KCNJ6: variants seen among roughly 807,000 people sequenced by gnomAD.
The protein encoded by KCNJ6 is potassium inwardly rectifying channel subfamily J member 6, also known as G protein-activated inward rectifier potassium channel 2.
A neutral mutation model predicts 34.2 loss-of-function variants in KCNJ6; 9 were observed. That is an observed-to-expected ratio of 0.26 (90% CI 0.16 to 0.46). KCNJ6 has a LOEUF of 0.46. KCNJ6 is among the 20% of genes least tolerant of loss of function. The probability of loss-of-function intolerance (pLI) is 1.00; values close to 1 mark genes in which losing one functional copy is unlikely to be tolerated. For missense variants in KCNJ6, 236 were observed against 531.3 expected (o/e 0.44, Z 5.46); for synonymous variants, 196 against 207.1 (o/e 0.95, Z 0.46).
chr21:37,617,263 G>C lies in KCNJ6; in HGVS notation c.*7896C>G, dbSNP rs1266555452. 1 of 149,090 alleles carries C rather than the reference G, an allele frequency of 6.7e-6. No individual in the cohort carries two copies. Among genetic ancestry groups the C allele is most frequent in the Non-Finnish European group, 1.5e-5 (1 of 67,658 alleles). 9.2% of individuals were successfully genotyped at this position (149,090 alleles called of 1,614,324 possible). On this transcript the variant is annotated 3_prime_UTR_variant, in exon 4 of 4. Transcript: ENST00000609713. ...AGACTGAGTCTCGCTCCGTGGCCCA[G>C]GCTGGAGTGCAGTGGCATGATCTCA... is the stretch of plus-strand genomic sequence containing the variant.
chr21:37,814,145 A>G (rs991787931), intron 2 of KCNJ6, among the ~76,000 whole-genome samples: 1 of 152,264 alleles, frequency 6.6e-6, no homozygotes, highest in African/African-American at 2.4e-5. Flanking sequence ...TCCAACAGGC[A>G]TATGAAAAGA....
intron 3 of KCNJ6, among the ~76,000 whole-genome samples, chr21:37,650,042 T>C (rs113963430): frequency 0.13 from 19,084 of 151,922 alleles, 1,724 homozygotes; most frequent in South Asian, 0.25. Context: ...GGATTACAGG[T>C]GTGAACCACC....
chr21:37,878,799 A>G (rs1006385811), intron 1 of KCNJ6, among the ~76,000 whole-genome samples: 1 of 151,948 alleles, frequency 6.6e-6, no homozygotes, highest in Non-Finnish European at 1.5e-5. Flanking sequence ...TGGGAGGGGG[A>G]CAGGGGCATG....
chr21:37,631,880 C>T (rs928356756), intron 3 of KCNJ6, among the ~76,000 whole-genome samples: 2 of 152,170 alleles, frequency 1.3e-5, no homozygotes, highest in Non-Finnish European at 2.9e-5. Context: ...AGCGGTGACA[C>T]AGGTGCCAAA....
At chr21:37,765,731 A>G (rs1263589048) in intron 2 of KCNJ6, among the ~76,000 whole-genome samples, 1 of 152,230 alleles carries the variant, frequency 6.6e-6, no homozygotes, top group Non-Finnish European at 1.5e-5. Context: ...ATGATTCATT[A>G]AAGAAGTTGT....
chr21:37,615,295 C>T lies in KCNJ6; in HGVS notation c.*9864G>A, dbSNP rs1324928455. The T allele has an allele frequency of 7.0e-6, 1 of 143,066 alleles. No homozygotes were observed. The highest frequency in any genetic ancestry group is 1.5e-5 in the Non-Finnish European group (1 of 67,396). 8.9% of individuals were successfully genotyped at this position (143,066 alleles called of 1,614,324 possible). A position where few individuals can be genotyped will look rare whatever the true frequency, so the allele number is the denominator to read the frequency against. On this transcript the variant is annotated 3_prime_UTR_variant, in exon 4 of 4. Coordinates refer to ENST00000609713, the MANE Select transcript of KCNJ6 (RefSeq NM_002240.5). ...TGAGACGGAGTCTCGCTCTGTCGCC[C>T]AGGTCGGACTGCGGACTGCAGTGGC...
chr21:37,857,892 T>C (rs2055573162), intron 1 of KCNJ6, among the ~76,000 whole-genome samples: 1 of 152,102 alleles, frequency 6.6e-6, no homozygotes, highest in Non-Finnish European at 1.5e-5. Context: ...CATATTTATT[T>C]AGAAAAAAGA....
At chr21:37,804,702 T>C (rs2055285262) in intron 2 of KCNJ6, among the ~76,000 whole-genome samples, 1 of 152,194 alleles carries the variant, frequency 6.6e-6, no homozygotes, top group South Asian at 2.1e-4. Context: ...ATTAGCTTGG[T>C]AAGGATAATG....
intron 2 of KCNJ6, among the ~76,000 whole-genome samples, chr21:37,735,417 G>A (rs1036330077): frequency 2.6e-5 from 4 of 152,104 alleles, no homozygotes; most frequent in African/African-American, 4.8e-5. Flanking sequence ...ATTCGAGTGC[G>A]GTGCTGCTCC....
intron 2 of KCNJ6, among the ~76,000 whole-genome samples, chr21:37,797,208 G>A (rs534707700): frequency 6.6e-5 from 10 of 152,100 alleles, no homozygotes; most frequent in African/African-American, 2.4e-4. Context: ...GTGCCACCAT[G>A]CCTGTCTAGT....
intron 1 of KCNJ6, among the ~76,000 whole-genome samples, chr21:37,896,641 C>T (rs56236575): frequency 0.075 from 11,422 of 152,184 alleles, 453 homozygotes; most frequent in Non-Finnish European, 0.081. Context: ...CTGTCACCCC[C>T]GATTCCTGGG....
intron 2 of KCNJ6, among the ~76,000 whole-genome samples, chr21:37,777,363 T>C (rs1365197061): frequency 6.6e-6 from 1 of 152,190 alleles, no homozygotes; most frequent in Non-Finnish European, 1.5e-5. Context: ...TTTCTTGTCC[T>C]TTCCCCAGTG....
chr21:37,774,939 T>C (rs2055135155), intron 2 of KCNJ6, among the ~76,000 whole-genome samples: 1 of 152,244 alleles, frequency 6.6e-6, no homozygotes, highest in Non-Finnish European at 1.5e-5. Context: ...ACTTCCACAA[T>C]GGTTGAACTA....
chr21:37,615,637 T>C lies in KCNJ6; in HGVS notation c.*9522A>G, dbSNP rs1458406805. On this transcript the variant is annotated 3_prime_UTR_variant, in exon 4 of 4. Transcript: ENST00000609713. ...TCAAGAAGAAATAGTATTCTGGAAC[T>C]TTGCTCTGGGGGCAAAAATGAGTAT... is the stretch of plus-strand genomic sequence containing the variant. 6.6e-6 allele frequency: 1 copy of C among 152,202 alleles called. No individual in the cohort carries two copies. The highest frequency in any genetic ancestry group is 1.5e-5 in the Non-Finnish European group (1 of 68,038). The allele number at this position is 152,202 out of a possible 1,614,324, so 9.4% of individuals were successfully genotyped here.
rs78041132 is a variant in KCNJ6, at chr21:37,909,930, T to C, written c.-28+5954A>G. Among the ~76,000 whole-genome samples, 826 of 152,310 alleles carry C rather than the reference T, an allele frequency of 5.4e-3. 16 individuals are homozygous for C. The highest frequency in any genetic ancestry group is 0.047 in the East Asian group (243 of 5,178). On this transcript the variant is annotated intron_variant, in intron 1 of 3. Coordinates refer to ENST00000609713, the MANE Select transcript of KCNJ6 (RefSeq NM_002240.5). ...GGGAGAAATATACATCTCCTTCCCA[T>C]TGATCATTGACACTGATGTGACATG...
At chr21:37,788,036 T>C (rs1211021220) in intron 2 of KCNJ6, among the ~76,000 whole-genome samples, 1 of 152,212 alleles carries the variant, frequency 6.6e-6, no homozygotes, top group Admixed American at 6.5e-5. Flanking sequence ...TTCAAGTACC[T>C]ATTGTGTGCA....
In KCNJ6 at chr21:37,611,245, T is replaced by C. The variant is rs1569428524; in HGVS notation, c.*13914A>G. The C allele has an allele frequency of 6.6e-6, 1 of 152,200 alleles. No homozygotes were observed. Among genetic ancestry groups the C allele is most frequent in the African/African-American group, 2.4e-5 (1 of 41,464 alleles). The allele number at this position is 152,200 out of a possible 1,614,324, so 9.4% of individuals were successfully genotyped here. On this transcript the variant is annotated 3_prime_UTR_variant, in exon 4 of 4. Coordinates refer to ENST00000609713, the MANE Select transcript of KCNJ6 (RefSeq NM_002240.5). ...ATACCCACAAATTTGATAATGTAGA[T>C]GAAATGAACCAATTCCTTGAAAAAT...
intron 3 of KCNJ6, among the ~76,000 whole-genome samples, chr21:37,711,037 T>C (rs893014028): frequency 2.0e-5 from 3 of 152,196 alleles, no homozygotes; most frequent in African/African-American, 7.2e-5. Context: ...CACAAAGGAC[T>C]CGGGGCTGTT....
intron 2 of KCNJ6, among the ~76,000 whole-genome samples, chr21:37,764,147 T>C (rs969754386): frequency 6.6e-6 from 1 of 152,182 alleles, no homozygotes; most frequent in African/African-American, 2.4e-5. Flanking sequence ...GCTATGCCTT[T>C]CTTGGACTAT....
Sources: gnomAD v4.1 joint callset for allele counts (sites outside exome capture counted in the v4.1 genomes callset) on GRCh38, gnomAD v4.1.1 for gene constraint, MANE v1.5 for transcripts, NCBI Gene and HGNC (gene_info 2026-07-23, HGNC 2026-07-21) for gene names.